GGTA1: variants seen among roughly 807,000 people sequenced by gnomAD.
GGTA1 encodes inactive N-acetyllactosaminide alpha-1,3-galactosyltransferase.
Under a neutral mutation model 2.6 loss-of-function variants are expected in GGTA1, and 5 were observed. The observed-to-expected ratio is 1.92, with a 90% CI of 1.00 to 4.04. The LOEUF (loss-of-function observed/expected upper bound fraction) is 4.04, where lower values mean the gene tolerates loss of function less well. Ranked by LOEUF, GGTA1 falls within the 30% of genes most tolerant of loss-of-function variation. The pLI is 0.00. For missense variants in GGTA1, 50 were observed against 16.7 expected (o/e 2.99, Z -3.47); for synonymous variants, 17 against 5.0 (o/e 3.38, Z -3.19).
chr9:121,472,643 A>T (rs1255441182), intron 1 of GGTA1, among the ~76,000 whole-genome samples: 1 of 152,242 alleles, frequency 6.6e-6, no homozygotes, highest in African/African-American at 2.4e-5. Flanking sequence ...AGGATGCCTC[A>T]GAAGTGGGAT....
chr9:121,480,094 C>T (rs1435642459), intron 1 of GGTA1, among the ~76,000 whole-genome samples: 2 of 141,046 alleles, frequency 1.4e-5, no homozygotes, highest in South Asian at 2.2e-4. Flanking sequence ...CTCACTCTGT[C>T]GCCCAGGGCG....
intron 1 of GGTA1, among the ~76,000 whole-genome samples, chr9:121,484,726 A>G (rs1022455025): frequency 6.6e-6 from 1 of 152,192 alleles, no homozygotes; most frequent in Non-Finnish European, 1.5e-5. Flanking sequence ...TACTTTCCTT[A>G]TTTAATACAA....
At chr9:121,477,917 G>T (rs751362821) in intron 1 of GGTA1, among the ~76,000 whole-genome samples, 3 of 152,102 alleles carry the variant, frequency 2.0e-5, no homozygotes, top group Non-Finnish European at 2.9e-5. Context: ...AATGGAATCA[G>T]CTTCAAACCC....
chr9:121,465,485 C>A (rs2064998916), intron 2 of GGTA1, among the ~76,000 whole-genome samples: 1 of 152,170 alleles, frequency 6.6e-6, no homozygotes, highest in Non-Finnish European at 1.5e-5. Flanking sequence ...GAGGCCCTGC[C>A]CTCAGTGCGA....
intron 1 of GGTA1, among the ~76,000 whole-genome samples, chr9:121,471,237 C>A (rs1828382441): frequency 6.6e-6 from 1 of 150,704 alleles, no homozygotes; most frequent in South Asian, 2.1e-4. Context: ...GCAGCTGAGT[C>A]CCCCTTCTCT....
intron 1 of GGTA1, among the ~76,000 whole-genome samples, chr9:121,478,830 T>A (rs891807181): frequency 6.6e-6 from 1 of 152,336 alleles, no homozygotes; most frequent in South Asian, 2.1e-4. Context: ...TTTTCCATGC[T>A]GCCTGGTCTG....
At chr9:121,473,732 C>A (rs1828443475) in intron 1 of GGTA1, among the ~76,000 whole-genome samples, 1 of 152,064 alleles carries the variant, frequency 6.6e-6, no homozygotes, top group Non-Finnish European at 1.5e-5. Context: ...TCGAGACCAG[C>A]CTGGGCAACA....
At chr9:121,459,888 C>G (rs1564651493) in intron 5 of GGTA1, among the ~76,000 whole-genome samples, 1 of 152,314 alleles carries the variant, frequency 6.6e-6, no homozygotes, top group East Asian at 1.9e-4. Flanking sequence ...CAATGCCTAG[C>G]ACAGTGTTTT....
intron 1 of GGTA1, among the ~76,000 whole-genome samples, chr9:121,499,325 C>G (rs946135920): frequency 6.6e-6 from 1 of 152,108 alleles, no homozygotes; most frequent in Non-Finnish European, 1.5e-5. Context: ...TCCTGTGTCC[C>G]CTGCGTCTCC....
chr9:121,488,954 A>G (rs1407245726), intron 1 of GGTA1, among the ~76,000 whole-genome samples: 1 of 152,062 alleles, frequency 6.6e-6, no homozygotes, highest in African/African-American at 2.4e-5. Context: ...AGTGATAAGG[A>G]GGGGTAGGGG....
intron 1 of GGTA1, chr9:121,494,377 G>C (rs749829281): frequency 6.6e-6 from 1 of 152,282 alleles, no homozygotes; most frequent in Non-Finnish European, 1.5e-5. Flanking sequence ...GGCCGGGTCT[G>C]ATTGCACGTG....
At chr9:121,494,096 G>C (rs964684098) in intron 1 of GGTA1, among the ~76,000 whole-genome samples, 1 of 152,012 alleles carries the variant, frequency 6.6e-6, no homozygotes, top group African/African-American at 2.4e-5. Flanking sequence ...CTCCATCTCA[G>C]ACCACTCACT....
downstream of GGTA1, among the ~76,000 whole-genome samples, chr9:121,450,785 C>T (rs16910607): frequency 5.0e-3 from 766 of 152,344 alleles, 5 homozygotes; most frequent in African/African-American, 0.018. Context: ...CAAAACTCCA[C>T]AGTCACCTTT....
intron 2 of GGTA1, 74 bp from the exon 3 acceptor site, chr9:121,463,402 C>T (rs1331805401): frequency 1.4e-5 from 6 of 439,554 alleles, no homozygotes; most frequent in Non-Finnish European, 2.3e-5. Flanking sequence ...TAACCATTAT[C>T]ACTGAGCCCG....
chr9:121,450,294 T>C (rs973805095), downstream of GGTA1, among the ~76,000 whole-genome samples: 20 of 151,838 alleles, frequency 1.3e-4, no homozygotes, highest in Admixed American at 1.3e-3. Context: ...GAAAAATCTA[T>C]TGTGCCCTGA....
At chr9:121,469,774 A>G (rs985897444) in intron 1 of GGTA1, among the ~76,000 whole-genome samples, 1 of 152,182 alleles carries the variant, frequency 6.6e-6, no homozygotes, top group Admixed American at 6.5e-5. Context: ...ATACAAATGA[A>G]CCAATCCTGA....
exon 8 of GGTA1, chr9:121,446,560 T>C (rs1028547101): frequency 1.3e-5 from 2 of 152,228 alleles, no homozygotes; most frequent in African/African-American, 4.8e-5. Context: ...TACAATCATA[T>C]CTTGCTGCCA....
chr9:121,485,848 C>T (rs1056865964), intron 1 of GGTA1, among the ~76,000 whole-genome samples: 3 of 152,184 alleles, frequency 2.0e-5, no homozygotes, highest in African/African-American at 7.2e-5. Flanking sequence ...CAGATCACAT[C>T]TGTGGAACAT....
chr9:121,479,157 G>A (rs753639967), intron 1 of GGTA1: 3 of 455,754 alleles, frequency 6.6e-6, no homozygotes, highest in South Asian at 3.1e-5. Context: ...GGGGGCCACC[G>A]AGAGTTTAGG....
Sources: allele counts gnomAD v4.1 joint callset (sites outside exome capture counted in the v4.1 genomes callset), GRCh38; gene constraint gnomAD v4.1.1; transcripts MANE v1.5; gene names NCBI Gene and HGNC (gene_info 2026-07-23, HGNC 2026-07-21).